The following EXOC4 variants were observed in gnomAD, a reference collection of about 807,000 sequenced individuals.
The protein encoded by EXOC4 is SEC8-like 1.
EXOC4 carries 71 observed loss-of-function variants against 107.2 expected under a neutral mutation model. The ratio of observed to expected loss-of-function variants is 0.66; its 90% CI spans 0.55 to 0.81. The LOEUF (loss-of-function observed/expected upper bound fraction) is 0.81, where lower values mean the gene tolerates loss of function less well. Ranked by LOEUF, EXOC4 falls within the 30% of genes least tolerant of loss-of-function variation. The probability of loss-of-function intolerance (pLI) is 0.00; values close to 1 mark genes in which losing one functional copy is unlikely to be tolerated. For missense variants in EXOC4, 1,108 were observed against 1,189.6 expected, an observed-to-expected ratio of 0.93 and a Z score of 1.01; for synonymous variants, 456 against 441.2, an observed-to-expected ratio of 1.03 and a Z score of -0.42.
chr7:133,328,254 G>GTT lies in EXOC4; in HGVS notation c.763+10873_763+10874dup, dbSNP rs201019321. Among the ~76,000 whole-genome samples, 159 of 147,544 alleles carry GTT rather than the reference G, an allele frequency of 1.1e-3. 1 individual carries two copies. The highest frequency in any genetic ancestry group is 3.5e-3 in the Middle Eastern group (1 of 288). ...ATCTGAGACTAGGATTGCAACCCCT[G>GTT]TTTTTTTTTTGCTTTCCATTTGCTT... On this transcript the variant is annotated intron_variant, in intron 5 of 17. Coordinates refer to ENST00000253861, the MANE Select transcript of EXOC4 (RefSeq NM_021807.4).
chr7:133,942,208 T>C (rs1369454837), intron 14 of EXOC4, among the ~76,000 whole-genome samples: 3 of 152,070 alleles, frequency 2.0e-5, no homozygotes, highest in African/African-American at 7.2e-5. Flanking sequence ...TAAAAATCTC[T>C]GGGATTAGAG....
At chr7:133,573,370 G>C (rs1348724517) in intron 9 of EXOC4, among the ~76,000 whole-genome samples, 1 of 152,114 alleles carries the variant, frequency 6.6e-6, no homozygotes, top group African/African-American at 2.4e-5. Context: ...ATGCTACTTA[G>C]AAGAATAGAG....
rs184942372 is a variant in EXOC4, at chr7:133,590,506, C to A, written c.1418-39539C>A. Among the ~76,000 whole-genome samples the A allele has an allele frequency of 9.2e-5, 14 of 152,254 alleles. No individual in the cohort carries two copies. In the East Asian group the frequency reaches 2.7e-3, roughly 30 times the overall value. On this transcript the variant is annotated intron_variant, in intron 9 of 17. Coordinates refer to ENST00000253861, the MANE Select transcript of EXOC4 (RefSeq NM_021807.4). ...CTGCCCTTTCTAAAATTACCCTAGC[C>A]TGCTCTGCCCCATCCTGTACCCATA...
chr7:133,267,498 C>T (rs1302321682), intron 1 of EXOC4, among the ~76,000 whole-genome samples: 1 of 152,100 alleles, frequency 6.6e-6, no homozygotes, highest in Non-Finnish European at 1.5e-5. Flanking sequence ...ATTCAAATGC[C>T]ATCTTTATCC....
At chr7:133,556,416 A>C (rs1340425128) in intron 9 of EXOC4, among the ~76,000 whole-genome samples, 1 of 152,050 alleles carries the variant, frequency 6.6e-6, no homozygotes, top group Non-Finnish European at 1.5e-5. Context: ...CATTTTATTA[A>C]GATTAGCTTA....
At chr7:133,514,221 T>A (rs1377955490) in intron 9 of EXOC4, among the ~76,000 whole-genome samples, 3 of 151,916 alleles carry the variant, frequency 2.0e-5, no homozygotes, top group Non-Finnish European at 4.4e-5. Flanking sequence ...CTGGAGTGCA[T>A]TGGCGCGATC....
chr7:133,742,463 A>G (rs113407245), intron 10 of EXOC4, among the ~76,000 whole-genome samples: 126 of 152,332 alleles, frequency 8.3e-4, no homozygotes, highest in African/African-American at 2.9e-3. Context: ...CTTAAAGTGA[A>G]CTACACCTTG....
At chr7:133,621,264 T>C (rs971044499) in intron 9 of EXOC4, among the ~76,000 whole-genome samples, 2 of 152,216 alleles carry the variant, frequency 1.3e-5, no homozygotes, top group African/African-American at 4.8e-5. Flanking sequence ...AAAGGTACTT[T>C]TTTTCTCTTG....
intron 17 of EXOC4, among the ~76,000 whole-genome samples, chr7:134,014,153 C>G (rs1208697781): frequency 6.6e-6 from 1 of 152,220 alleles, no homozygotes; most frequent in African/African-American, 2.4e-5. Flanking sequence ...CCTGTAATCC[C>G]AGTACTTTGG....
intron 8 of EXOC4, among the ~76,000 whole-genome samples, chr7:133,478,675 C>G (rs1406095498): frequency 1.3e-5 from 2 of 152,154 alleles, no homozygotes; most frequent in African/African-American, 2.4e-5. Flanking sequence ...CTTTATTACC[C>G]TCTTTAATTA....
At chr7:133,258,098 C>A (rs1163377545) in intron 1 of EXOC4, among the ~76,000 whole-genome samples, 1 of 152,146 alleles carries the variant, frequency 6.6e-6, no homozygotes, top group Non-Finnish European at 1.5e-5. Flanking sequence ...TCTCTTTGTA[C>A]CCTGGGACAT....
intron 17 of EXOC4, among the ~76,000 whole-genome samples, chr7:134,021,722 G>GAAAAAA (rs60762484): frequency 3.7e-5 from 2 of 53,742 alleles, no homozygotes; most frequent in African/African-American, 8.4e-5. Context: ...AGTCAAACCA[G>GAAAAAA]AAAAAAAAAA....
intron 5 of EXOC4, among the ~76,000 whole-genome samples, chr7:133,329,851 G>A (rs932166398): frequency 3.3e-5 from 5 of 152,194 alleles, no homozygotes; most frequent in Admixed American, 2.6e-4. Flanking sequence ...CCTTTATGAG[G>A]TGTCTGTCGG....
chr7:133,466,575 A>G (rs1283736720), intron 7 of EXOC4, among the ~76,000 whole-genome samples: 1 of 152,188 alleles, frequency 6.6e-6, no homozygotes, highest in African/African-American at 2.4e-5. Context: ...TCCTGCACAT[A>G]CATAATTCAC....
intron 14 of EXOC4, among the ~76,000 whole-genome samples, chr7:133,964,980 C>G (rs903072311): frequency 3.3e-5 from 5 of 152,184 alleles, no homozygotes; most frequent in Non-Finnish European, 7.3e-5. Context: ...TCCACATCCC[C>G]TCCAGCATCT....
At chr7:134,053,030 A>G (rs998533836) in intron 17 of EXOC4, among the ~76,000 whole-genome samples, 2 of 152,224 alleles carry the variant, frequency 1.3e-5, no homozygotes, top group Non-Finnish European at 2.9e-5. Flanking sequence ...TGACATGTAT[A>G]GACTATCAGC....
intron 10 of EXOC4, among the ~76,000 whole-genome samples, chr7:133,747,307 C>T (rs982767145): frequency 1.1e-4 from 17 of 152,026 alleles, no homozygotes; most frequent in African/African-American, 3.6e-4. Flanking sequence ...AGCGAACACA[C>T]CTAAAAGTAA....
intron 10 of EXOC4, among the ~76,000 whole-genome samples, chr7:133,715,172 A>G (rs1794974573): frequency 6.6e-6 from 1 of 152,046 alleles, no homozygotes. Flanking sequence ...CCAAACTAGT[A>G]TATGTTTTTA....
At position 134,064,774 on chromosome 7, in the gene EXOC4, A is replaced by G. The variant is rs139001887; in HGVS notation, c.*246A>G. ...AAATCTAACGGGACTAGGGTGGGAT[A>G]GGGAGGAAGGTGGTATCAAATTGTT... On this transcript the variant is annotated 3_prime_UTR_variant, in exon 18 of 18. Transcript: ENST00000253861. 399 of 276,592 alleles carry G rather than the reference A, an allele frequency of 1.4e-3. 5 individuals carry two copies. The highest frequency in any genetic ancestry group is 7.7e-3 in the African/African-American group (353 of 45,948). The allele number at this position is 276,592 out of a possible 1,614,324, so 17.1% of individuals were successfully genotyped here. A position where few individuals can be genotyped will look rare whatever the true frequency, so the allele number is the denominator to read the frequency against.
Sources: allele counts gnomAD v4.1 joint callset (sites outside exome capture counted in the v4.1 genomes callset), GRCh38; gene constraint gnomAD v4.1.1; transcripts MANE v1.5; gene names NCBI Gene and HGNC (gene_info 2026-07-23, HGNC 2026-07-21).